The following MMP16 variants were observed in gnomAD, a reference collection of about 807,000 sequenced individuals.
MMP16 encodes the protein matrix metalloproteinase-16.
Under a neutral mutation model 67.8 loss-of-function variants are expected in MMP16, and 12 were observed. That is an observed-to-expected ratio of 0.18 (90% CI 0.11 to 0.29). MMP16 has a LOEUF of 0.29. Ranked by LOEUF, MMP16 falls within the 10% of genes least tolerant of loss-of-function variation. MMP16 has a pLI of 1.00. For missense variants in MMP16, 475 were observed against 765.7 expected (o/e 0.62, Z 4.48); for synonymous variants, 249 against 255.9 (o/e 0.97, Z 0.26).
At chr8:88,115,006 G>A (rs959288547) in intron 6 of MMP16, among the ~76,000 whole-genome samples, 1 of 151,972 alleles carries the variant, frequency 6.6e-6, no homozygotes, top group Non-Finnish European at 1.5e-5. Context: ...GCTGTTGAAA[G>A]CGATCACTAG....
rs78776303 is a variant in MMP16 at position 88,186,627 on chromosome 8, G to T, written c.282-29C>A. On this transcript the variant is annotated intron_variant, in intron 2 of 9. Transcript: ENST00000286614. ...CAAAAAAAAAAAAAAAAAAAAAAAAGCAGTATTTTCCAGTTATTTACTAAC... is the reference window on the plus strand; with the variant it reads ...CAAAAAAAAAAAAAAAAAAAAAAAATCAGTATTTTCCAGTTATTTACTAAC... 1.1e-5 allele frequency: 12 copies of T among 1,090,716 alleles called. No individual in the cohort carries two copies. The African/African-American group carries it at 2.4e-4, about 22-fold the overall frequency. 67.6% of individuals were successfully genotyped at this position (1,090,716 alleles called of 1,614,324 possible).
At chr8:88,201,004 C>T (rs1002364916) in intron 1 of MMP16, among the ~76,000 whole-genome samples, 1 of 151,566 alleles carries the variant, frequency 6.6e-6, no homozygotes, top group Non-Finnish European at 1.5e-5. Context: ...TAATATAAAG[C>T]TAGATACTGT....
intron 9 of MMP16, among the ~76,000 whole-genome samples, chr8:88,042,315 G>A (rs1808144246): frequency 6.6e-6 from 1 of 152,132 alleles, no homozygotes; most frequent in Non-Finnish European, 1.5e-5. Flanking sequence ...AGGAATCTGT[G>A]CTCCTTCTAA....
At chr8:88,051,548 G>C (rs988709461) in intron 8 of MMP16, among the ~76,000 whole-genome samples, 7 of 152,156 alleles carry the variant, frequency 4.6e-5, no homozygotes, top group African/African-American at 1.7e-4. Flanking sequence ...CCATTCCTCA[G>C]AATCAGTCTT....
chr8:88,188,812 C>CA (rs1809120902), intron 2 of MMP16, among the ~76,000 whole-genome samples: 1 of 152,082 alleles, frequency 6.6e-6, no homozygotes, highest in African/African-American at 2.4e-5. Context: ...TGCGCCACCA[C>CA]ACCTGGCTAA....
chr8:88,109,887 CAATT>C (rs1416999489), intron 6 of MMP16, among the ~76,000 whole-genome samples: 1 of 151,060 alleles, frequency 6.6e-6, no homozygotes, highest in Non-Finnish European at 1.5e-5. Context: ...AATTGAACCA[CAATT>C]AATATAATTT....
chr8:88,082,930 T>C (rs950024799), intron 6 of MMP16, among the ~76,000 whole-genome samples: 1 of 152,022 alleles, frequency 6.6e-6, no homozygotes, highest in Non-Finnish European at 1.5e-5. Flanking sequence ...AAAATAAATA[T>C]ATCATATGAC....
At chr8:88,159,664 C>A (rs1402823000) in intron 4 of MMP16, among the ~76,000 whole-genome samples, 1 of 152,118 alleles carries the variant, frequency 6.6e-6, no homozygotes, top group Non-Finnish European at 1.5e-5. Context: ...ACTTCCAACA[C>A]TATGTTGAAT....
At chr8:88,050,089 A>G (rs1808250703) in intron 8 of MMP16, among the ~76,000 whole-genome samples, 1 of 152,208 alleles carries the variant, frequency 6.6e-6, no homozygotes, top group South Asian at 2.1e-4. Flanking sequence ...TGGGAGGCCA[A>G]TGCGGGTGGA....
intron 4 of MMP16, among the ~76,000 whole-genome samples, chr8:88,144,660 A>T (rs1808263328): frequency 1.3e-5 from 2 of 150,976 alleles, no homozygotes; most frequent in African/African-American, 4.9e-5. Flanking sequence ...AATTGGAATT[A>T]AGTTATTATT....
chr8:88,199,817 CATT>C (rs1424816408), intron 1 of MMP16, among the ~76,000 whole-genome samples: 1 of 151,958 alleles, frequency 6.6e-6, no homozygotes, highest in Non-Finnish European at 1.5e-5. Flanking sequence ...CTGTTTTCAT[CATT>C]GTCTTAAAAT....
At chr8:88,129,743 T>TA (rs1176704704) in intron 4 of MMP16, among the ~76,000 whole-genome samples, 4 of 151,558 alleles carry the variant, frequency 2.6e-5, no homozygotes, top group African/African-American at 4.8e-5. Flanking sequence ...ATACAAAATA[T>TA]AAAAAAATTA....
intron 2 of MMP16, among the ~76,000 whole-genome samples, chr8:88,196,122 A>G (rs1345308412): frequency 6.6e-6 from 1 of 152,212 alleles, no homozygotes; most frequent in Non-Finnish European, 1.5e-5. Flanking sequence ...GGATTCTGCA[A>G]CTACTCTGAA....
intron 1 of MMP16, among the ~76,000 whole-genome samples, chr8:88,288,357 CT>C (rs201359880): frequency 1.5e-4 from 23 of 150,590 alleles, no homozygotes; most frequent in African/African-American, 5.4e-4. Context: ...TTTCTTTTTT[CT>C]TTTTTTTTCC....
At chr8:88,271,546 TAC>T (rs1388925421) in intron 1 of MMP16, among the ~76,000 whole-genome samples, 1 of 152,114 alleles carries the variant, frequency 6.6e-6, no homozygotes, top group Non-Finnish European at 1.5e-5. Context: ...CAGGCTGGAG[TAC>T]AGTGGTGCGA....
chr8:88,287,641 A>C (rs976624241), intron 1 of MMP16, among the ~76,000 whole-genome samples: 5 of 152,226 alleles, frequency 3.3e-5, no homozygotes, highest in African/African-American at 1.2e-4. Context: ...TAATGAATAC[A>C]TAAATGGATG....
At chr8:88,080,529 G>A (rs2664351) in intron 6 of MMP16, among the ~76,000 whole-genome samples, 33,253 of 151,910 alleles carry the variant, frequency 0.22, 4,848 homozygotes, top group East Asian at 0.47. Flanking sequence ...TCCACCTCCC[G>A]GGTTCAAGCA....
chr8:88,324,169 T>C (rs1319554067), intron 1 of MMP16, among the ~76,000 whole-genome samples: 3 of 152,180 alleles, frequency 2.0e-5, no homozygotes, highest in Admixed American at 2.0e-4. Context: ...GTCTGACCCT[T>C]TCTTAGCTGT....
chr8:88,307,561 T>C (rs1201436248), intron 1 of MMP16, among the ~76,000 whole-genome samples: 1 of 152,078 alleles, frequency 6.6e-6, no homozygotes, highest in African/African-American at 2.4e-5. Flanking sequence ...GATTCTAGAA[T>C]GAATTATCCT....
Sources: allele counts gnomAD v4.1 joint callset (sites outside exome capture counted in the v4.1 genomes callset), GRCh38; gene constraint gnomAD v4.1.1; transcripts MANE v1.5; gene names NCBI Gene and HGNC (gene_info 2026-07-23, HGNC 2026-07-21).